PRICKLE1: variants seen among roughly 807,000 people sequenced by gnomAD.
PRICKLE1 encodes the protein prickle planar cell polarity protein 1, also known as prickle-like protein 1.
PRICKLE1 carries 14 observed loss-of-function variants against 70.2 expected under a neutral mutation model. That is an observed-to-expected ratio of 0.20 (90% CI 0.13 to 0.31). The LOEUF is 0.31. Among genes scored for constraint, PRICKLE1 ranks in the 10% least tolerant of loss-of-function variants. PRICKLE1 has a pLI of 1.00. For missense variants in PRICKLE1, 821 were observed against 1,026.2 expected (o/e 0.80, Z 2.73); for synonymous variants, 357 against 379.9 (o/e 0.94, Z 0.70).
chr12:42,531,934 G>A (rs1412309047), intron 1 of PRICKLE1, among the ~76,000 whole-genome samples: 1 of 152,198 alleles, frequency 6.6e-6, no homozygotes, highest in Non-Finnish European at 1.5e-5. Context: ...GAAGTGGGAA[G>A]ATCGCTTGAA....
chr12:42,571,215 A>G (rs1349591568), intron 1 of PRICKLE1, among the ~76,000 whole-genome samples: 2 of 152,116 alleles, frequency 1.3e-5, no homozygotes, highest in Non-Finnish European at 2.9e-5. Flanking sequence ...ATGAATGGTA[A>G]CTTTTTTCAT....
rs68074167 is a variant in PRICKLE1, at chr12:42,459,256, G to GT, written c.*552dup. On this transcript the variant is annotated 3_prime_UTR_variant, in exon 8 of 8. Coordinates refer to ENST00000345127, the MANE Select transcript of PRICKLE1 (RefSeq NM_153026.3). ...TAAGTTATAAATAGCAATGTTTTTTGTTTTTTTTTTTCAATCTGTAGCTGG... is the reference window on the plus strand; with the variant it reads ...TAAGTTATAAATAGCAATGTTTTTTGTTTTTTTTTTTTCAATCTGTAGCTGG... 1,284 of 585,070 alleles carry GT rather than the reference G, an allele frequency of 2.2e-3. No individual in the cohort carries two copies. The highest frequency in any genetic ancestry group is 4.3e-3 in the South Asian group (233 of 54,060). The allele number at this position is 585,070 out of a possible 1,614,324, so 36.2% of individuals were successfully genotyped here.
At chr12:42,465,359 G>A in intron 6 of PRICKLE1, 101 bp from the exon 7 acceptor site, 1 of 1,162,264 alleles carries the variant, frequency 8.6e-7, no homozygotes, top group East Asian at 2.4e-5. Flanking sequence ...ATGGGTATGG[G>A]GGAGCTGTGT....
chr12:42,468,864 T>C (rs1566084774), intron 4 of PRICKLE1, 35 bp from the exon 5 acceptor site: 1 of 1,591,578 alleles, frequency 6.3e-7, no homozygotes, highest in Admixed American at 1.7e-5. Context: ...AAAAGGATCA[T>C]TTTTTAAAGA....
At chr12:42,521,700 CAA>C (rs1234490672) in intron 1 of PRICKLE1, among the ~76,000 whole-genome samples, 2 of 136,812 alleles carry the variant, frequency 1.5e-5, no homozygotes. Flanking sequence ...GACCTTGTCT[CAA>C]AAAAAAAAAG....
At chr12:42,521,062 T>C (rs1939701375) in intron 1 of PRICKLE1, among the ~76,000 whole-genome samples, 1 of 152,010 alleles carries the variant, frequency 6.6e-6, no homozygotes, top group Admixed American at 6.6e-5. Flanking sequence ...TCCCAACTAC[T>C]CAGGAGGTTG....
chr12:42,515,515 G>A (rs998904622), intron 1 of PRICKLE1, among the ~76,000 whole-genome samples: 4 of 152,130 alleles, frequency 2.6e-5, no homozygotes, highest in African/African-American at 9.7e-5. Context: ...TTACAGACGT[G>A]AGCCACCGTG....
At chr12:42,498,862 T>G (rs1267663002) in intron 1 of PRICKLE1, among the ~76,000 whole-genome samples, 2 of 152,150 alleles carry the variant, frequency 1.3e-5, no homozygotes, top group Non-Finnish European at 2.9e-5. Flanking sequence ...TAACTCTTAC[T>G]TCAAGACTTT....
At chr12:42,465,733 C>T in intron 6 of PRICKLE1, 1 of 279,212 alleles carries the variant, frequency 3.6e-6, no homozygotes. Flanking sequence ...CTGTGATGTG[C>T]CTTACAGAGA....
Position 42,459,082 on chromosome 12 carries a change from C to G in PRICKLE1, c.*727G>C. On this transcript the variant is annotated 3_prime_UTR_variant, in exon 8 of 8. Coordinates refer to ENST00000345127, the MANE Select transcript of PRICKLE1 (RefSeq NM_153026.3). Reference sequence around the variant, plus strand: ...TAAGCAATCAGTTCATCCATAAATTCTGGTTCCCTGGCAAATCTAGCACTG... The same window carrying G: ...TAAGCAATCAGTTCATCCATAAATTGTGGTTCCCTGGCAAATCTAGCACTG... 1 of 449,438 alleles carries G rather than the reference C, an allele frequency of 2.2e-6. No individual in the cohort carries two copies. The highest frequency in any genetic ancestry group is 4.0e-6 in the Non-Finnish European group (1 of 251,844). 27.8% of individuals were successfully genotyped at this position (449,438 alleles called of 1,614,324 possible).
chr12:42,462,517 C>G (rs528618821), intron 7 of PRICKLE1, among the ~76,000 whole-genome samples: 10 of 152,174 alleles, frequency 6.6e-5, no homozygotes, highest in African/African-American at 2.4e-4. Context: ...ATGTCTATTT[C>G]TGATATTAAA....
chr12:42,510,035 T>C (rs1168455436), intron 1 of PRICKLE1, among the ~76,000 whole-genome samples: 3 of 150,938 alleles, frequency 2.0e-5, no homozygotes, highest in South Asian at 2.1e-4. Flanking sequence ...ATCATGCCAC[T>C]GCACTCCAGC....
intron 1 of PRICKLE1, among the ~76,000 whole-genome samples, chr12:42,536,236 G>A (rs939572090): frequency 5.3e-5 from 8 of 152,188 alleles, no homozygotes; most frequent in Admixed American, 1.3e-4. Context: ...GGGGACTTTT[G>A]TCTATTTCCA....
At chr12:42,523,603 T>C (rs1939749625) in intron 1 of PRICKLE1, among the ~76,000 whole-genome samples, 1 of 152,222 alleles carries the variant, frequency 6.6e-6, no homozygotes, top group Non-Finnish European at 1.5e-5. Context: ...GTATTTCAGA[T>C]GGCTTAACAG....
Position 42,464,882 on chromosome 12 carries a change from T to G in PRICKLE1, c.1152A>C (p.Gly384=). The change falls in exon 7 of 8, where the codon GGA becomes GGC. Residue 384 remains glycine, a synonymous_variant. Coordinates refer to ENST00000345127, the MANE Select transcript of PRICKLE1 (RefSeq NM_153026.3). This position sits in a 1 kb window ranked among gnomAD's most constrained non-coding sequence, Gnocchi z 4.2. ...KLDDLSLSRQ[G]TSFASEEFWK... ...AAAATTCTTCACTGGCAAAACTTGT[T>G]CCTTGTCTGGAGAGACTCAGATCAT... 6.2e-7 allele frequency: 1 copy of G among 1,614,132 alleles called. No individual in the cohort carries two copies. The highest frequency in any genetic ancestry group is 8.5e-7 in the Non-Finnish European group (1 of 1,180,032).
chr12:42,469,757 A>G, intron 3 of PRICKLE1, 170 bp from the exon 4 acceptor site: 2 of 763,896 alleles, frequency 2.6e-6, no homozygotes, highest in Admixed American at 5.0e-5. Flanking sequence ...GCCTCTCTAG[A>G]AAAAGGGAAA....
chr12:42,460,346 A>G lies in PRICKLE1; in HGVS notation c.1959T>C (p.Ser653=). Residue 653 remains serine, a synonymous_variant, in exon 8 of 8, where the codon AGT becomes AGC. Coordinates refer to ENST00000345127, the MANE Select transcript of PRICKLE1 (RefSeq NM_153026.3). The stretch of plus-strand genomic sequence containing the variant: ...TGTAGACGCGTCTCCGAGTCCTTTC[A>G]CTCATCGGAGGCTGCCGGATTTCAA... ...YDIEIRQPPM[S]ERTRRRVYNF... The G allele has an allele frequency of 6.2e-7, 1 of 1,613,818 alleles. No homozygotes were observed. The highest frequency in any genetic ancestry group is 1.3e-5 in the African/African-American group (1 of 74,914).
intron 1 of PRICKLE1, among the ~76,000 whole-genome samples, chr12:42,529,890 A>T (rs1939877423): frequency 6.6e-6 from 1 of 151,760 alleles, no homozygotes; most frequent in Non-Finnish European, 1.5e-5. Context: ...GACCTTATCA[A>T]AAAAAAAGGA....
chr12:42,498,128 G>A (rs959415077), intron 1 of PRICKLE1, among the ~76,000 whole-genome samples: 1 of 140,762 alleles, frequency 7.1e-6, no homozygotes, highest in Non-Finnish European at 1.5e-5. Context: ...GGATTATAGT[G>A]TGAGCCTCCA....
Sources: gnomAD v4.1 joint callset for allele counts (sites outside exome capture counted in the v4.1 genomes callset) on GRCh38, gnomAD v4.1.1 for gene constraint, Gnocchi (gnomAD v3.1) non-coding constraint, MANE v1.5 for transcripts, NCBI Gene and HGNC (gene_info 2026-07-23, HGNC 2026-07-21) for gene names.